Variants in DCHS2 observed in about 807,000 individuals in gnomAD.
The protein encoded by DCHS2 is dachsous cadherin-related 2, also known as protocadherin-23.
A neutral mutation model predicts 182.4 loss-of-function variants in DCHS2; 142 were observed. The ratio of observed to expected loss-of-function variants is 0.78; its 90% confidence interval spans 0.68 to 0.89. The LOEUF is 0.89. DCHS2 is among the 40% of genes least tolerant of loss of function. The pLI, the probability that DCHS2 is intolerant of heterozygous loss-of-function variation, is 0.00. For missense variants in DCHS2, 4,319 were observed against 4,198.6 expected (o/e 1.03, Z -0.79); for synonymous variants, 1,740 against 1,663.3 (o/e 1.05, Z -1.12).
At chr4:154,482,698 T>C (rs147380296) in intron 1 of DCHS2, among the ~76,000 whole-genome samples, 1 of 152,324 alleles carries the variant, frequency 6.6e-6, no homozygotes, top group Non-Finnish European at 1.5e-5. Flanking sequence ...AGAATCCATG[T>C]CAGAGAAGAT....
intron 1 of DCHS2, among the ~76,000 whole-genome samples, chr4:154,464,856 G>T (rs1735172408): frequency 6.6e-6 from 1 of 152,112 alleles, no homozygotes; most frequent in Non-Finnish European, 1.5e-5. Flanking sequence ...CTGTTCCTGA[G>T]GAGTAAAGCT....
chr4:154,332,588 TGGGGAACA>T lies in DCHS2; in HGVS notation c.3612_3619del (p.Val1205ArgfsTer10). The T allele has an allele frequency of 6.2e-7, 1 of 1,614,162 alleles. No homozygotes were observed. Among genetic ancestry groups the T allele is most frequent in the Non-Finnish European group, 8.5e-7 (1 of 1,179,994 alleles). Reference sequence around the variant, plus strand: ...AGCTGTAATTTTGCCTATTACCCCTTGGGGAACAGGGCTCTCTTCGACTTTCAAAAACA... The same window carrying T: ...AGCTGTAATTTTGCCTATTACCCCTTGGGCTCTCTTCGACTTTCAAAAACA... On this transcript the variant is annotated frameshift_variant, in exon 5 of 20. Coordinates refer to ENST00000357232, the MANE Select transcript of DCHS2 (RefSeq NM_001358235.2). LOFTEE classifies it high-confidence loss of function.
intron 1 of DCHS2, among the ~76,000 whole-genome samples, chr4:154,434,443 CA>C (rs1249445802): frequency 6.6e-6 from 1 of 151,706 alleles, no homozygotes; most frequent in Non-Finnish European, 1.5e-5. Flanking sequence ...AAGTCACTGG[CA>C]AAAATAATAC....
At chr4:154,325,964 G>A (rs981765191) in intron 7 of DCHS2, among the ~76,000 whole-genome samples, 1 of 152,168 alleles carries the variant, frequency 6.6e-6, no homozygotes, top group Non-Finnish European at 1.5e-5. Flanking sequence ...TATCCACACT[G>A]CCATGTATGA....
chr4:154,343,567 G>T, intron 3 of DCHS2: 2 of 1,527,402 alleles, frequency 1.3e-6, no homozygotes, highest in Non-Finnish European at 1.8e-6. Flanking sequence ...TGGAGATGGC[G>T]TCTTCCCTTA....
At chr4:154,362,163 G>T (rs1235076856) in intron 3 of DCHS2, among the ~76,000 whole-genome samples, 1 of 152,138 alleles carries the variant, frequency 6.6e-6, no homozygotes, top group Non-Finnish European at 1.5e-5. Flanking sequence ...CATTGTCAAG[G>T]CCAGACAGGT....
intron 1 of DCHS2, among the ~76,000 whole-genome samples, chr4:154,433,926 C>A (rs1447551423): frequency 6.6e-6 from 1 of 151,992 alleles, no homozygotes; most frequent in Non-Finnish European, 1.5e-5. Flanking sequence ...CAGTTTCATG[C>A]CAGAACCTTG....
Position 154,491,080 on chromosome 4 carries a change from G to T in DCHS2, c.276C>A (p.Ala92=), listed in dbSNP as rs753022205. ...AGCCGCTCCCCTCCTGCTGCTGCGC[G>T]GCCGGCAGCCCGGCGCGGATGTCAC... ...LVGDIRAGLP[A]AQQQEGSGFF... Residue 92 remains alanine (A), a synonymous_variant, in exon 1 of 20, where the codon GCC becomes GCA. Transcript: ENST00000357232. 1 of 1,551,336 alleles carries T rather than the reference G, an allele frequency of 6.4e-7. No homozygotes were observed. The highest frequency in any genetic ancestry group is 8.7e-7 in the Non-Finnish European group (1 of 1,146,938).
At position 154,299,123 on chromosome 4, in the gene DCHS2, G is replaced by A. The variant is rs75951869; in HGVS notation, c.5606-415C>T. Among the ~76,000 whole-genome samples the A allele has an allele frequency of 9.2e-3, 1,400 of 152,188 alleles. 17 individuals are homozygous for A. Among genetic ancestry groups the A allele is most frequent in the South Asian group, 0.015 (71 of 4,824 alleles). On this transcript the variant is annotated intron_variant, in intron 12 of 19. Transcript: ENST00000357232. ...AACAGAATATAATGTCCTTTTTTAA[G>A]ATATCAATCAGAAATGAACAGATTT...
At chr4:154,426,959 T>G (rs182347666) in intron 1 of DCHS2, among the ~76,000 whole-genome samples, 1 of 152,166 alleles carries the variant, frequency 6.6e-6, no homozygotes, top group Admixed American at 6.5e-5. Context: ...CACAAAATTT[T>G]TACATTTAAA....
At chr4:154,449,740 T>A (rs770523818) in intron 1 of DCHS2, among the ~76,000 whole-genome samples, 1 of 152,244 alleles carries the variant, frequency 6.6e-6, no homozygotes, top group Non-Finnish European at 1.5e-5. Context: ...ATAAGGAGTT[T>A]TATATTGTTA....
At chr4:154,375,924 A>G (rs1730870795) in intron 2 of DCHS2, among the ~76,000 whole-genome samples, 2 of 152,208 alleles carry the variant, frequency 1.3e-5, no homozygotes. Flanking sequence ...TGCTATACAC[A>G]ACAGCATAAA....
chr4:154,431,351 A>G (rs1432589747), intron 1 of DCHS2, among the ~76,000 whole-genome samples: 1 of 151,662 alleles, frequency 6.6e-6, no homozygotes, highest in Non-Finnish European at 1.5e-5. Flanking sequence ...CATAAAACTT[A>G]TATCATAAGC....
intron 15 of DCHS2, 117 bp downstream of exon 15, chr4:154,259,428 A>G (rs914098510): frequency 5.4e-6 from 8 of 1,491,320 alleles, no homozygotes; most frequent in African/African-American, 2.8e-5. Flanking sequence ...AGAGTGTTGT[A>G]CTACAGGGAT....
chr4:154,470,530 A>G (rs1735419887), intron 1 of DCHS2, among the ~76,000 whole-genome samples: 1 of 152,020 alleles, frequency 6.6e-6, no homozygotes, highest in Non-Finnish European at 1.5e-5. Flanking sequence ...AATATTAAAT[A>G]AGATCTGTCA....
chr4:154,483,649 G>A (rs1420174506), intron 1 of DCHS2, among the ~76,000 whole-genome samples: 2 of 152,210 alleles, frequency 1.3e-5, no homozygotes, highest in African/African-American at 4.8e-5. Context: ...GTGCCTTAAT[G>A]CCTGGGACTG....
chr4:154,258,323 C>A (rs1326063898), intron 15 of DCHS2, among the ~76,000 whole-genome samples: 1 of 144,676 alleles, frequency 6.9e-6, no homozygotes, highest in Non-Finnish European at 1.5e-5. Context: ...TCACCAACAG[C>A]ATGGATATGT....
At chr4:154,426,661 C>T (rs1219083327) in intron 1 of DCHS2, among the ~76,000 whole-genome samples, 4 of 151,972 alleles carry the variant, frequency 2.6e-5, no homozygotes, top group African/African-American at 7.2e-5. Flanking sequence ...TGGTCAGGTG[C>T]GATGGCTCAT....
At chr4:154,266,332 T>TGC (rs1560996605) in intron 14 of DCHS2, among the ~76,000 whole-genome samples, 7 of 143,464 alleles carry the variant, frequency 4.9e-5, no homozygotes, top group Non-Finnish European at 7.6e-5. Flanking sequence ...GGTTTTTTTT[T>TGC]TGTTGTTTGT....
Sources: gnomAD v4.1 joint callset for allele counts (sites outside exome capture counted in the v4.1 genomes callset) on GRCh38, gnomAD v4.1.1 for gene constraint, MANE v1.5 for transcripts, NCBI Gene and HGNC (gene_info 2026-07-23, HGNC 2026-07-21) for gene names.